Variants in CCSER2 observed in about 807,000 individuals in gnomAD.
The protein encoded by CCSER2 is serine-rich coiled-coil domain-containing protein 2.
A neutral mutation model predicts 92.3 loss-of-function variants in CCSER2; 46 were observed. The ratio of observed to expected loss-of-function variants is 0.50; its 90% CI spans 0.39 to 0.64. The LOEUF is 0.64. Ranked by LOEUF, CCSER2 falls within the 30% of genes least tolerant of loss-of-function variation. The pLI, the probability that CCSER2 is intolerant of heterozygous loss-of-function variation, is 0.00. For missense variants in CCSER2, 1,244 were observed against 1,238.9 expected, an observed-to-expected ratio of 1.00 and a Z score of -0.06; for synonymous variants, 433 against 431.4, an observed-to-expected ratio of 1.00 and a Z score of -0.04.
At chr10:84,462,678 A>G (rs908796676) in intron 6 of CCSER2, among the ~76,000 whole-genome samples, 4 of 152,222 alleles carry the variant, frequency 2.6e-5, no homozygotes, top group Non-Finnish European at 4.4e-5. Flanking sequence ...TAATTTATCT[A>G]TGCTGGAAAT....
At chr10:84,349,642 A>G (rs1430550624) in intron 1 of CCSER2, among the ~76,000 whole-genome samples, 1 of 152,150 alleles carries the variant, frequency 6.6e-6, no homozygotes, top group Non-Finnish European at 1.5e-5. Context: ...TGATCACCCC[A>G]CTGTACTCCA....
intron 1 of CCSER2, among the ~76,000 whole-genome samples, chr10:84,337,378 G>A (rs140186745): frequency 4.6e-5 from 7 of 152,214 alleles, no homozygotes; most frequent in African/African-American, 1.4e-4. Flanking sequence ...AAGAAGGAGC[G>A]AGTGAGTAAT....
At chr10:84,464,553 G>A (rs1846283655) in intron 7 of CCSER2, among the ~76,000 whole-genome samples, 1 of 152,164 alleles carries the variant, frequency 6.6e-6, no homozygotes, top group African/African-American at 2.4e-5. Context: ...TTAATTTAAT[G>A]TTTCCAAGTC....
chr10:84,470,538 G>C (rs1846727437), intron 8 of CCSER2, 80 bp downstream of exon 8: 12 of 1,196,680 alleles, frequency 1.0e-5, no homozygotes, highest in Non-Finnish European at 1.3e-5. Context: ...GCCAGAAGTA[G>C]AGTTTAGCTT....
intron 1 of CCSER2, among the ~76,000 whole-genome samples, chr10:84,352,075 C>T (rs1053778566): frequency 1.3e-4 from 20 of 151,898 alleles, no homozygotes; most frequent in African/African-American, 4.6e-4. Flanking sequence ...CCGAGGCAGG[C>T]GGATCACGAG....
At chr10:84,353,795 G>T (rs1023001857) in intron 1 of CCSER2, among the ~76,000 whole-genome samples, 2 of 152,042 alleles carry the variant, frequency 1.3e-5, no homozygotes, top group African/African-American at 4.8e-5. Context: ...CTCATGGTGG[G>T]ATCTTGTTCC....
At chr10:84,383,501 G>A (rs1174903148) in intron 3 of CCSER2, among the ~76,000 whole-genome samples, 1 of 151,842 alleles carries the variant, frequency 6.6e-6, no homozygotes, top group Non-Finnish European at 1.5e-5. Context: ...TAGTAGAGAC[G>A]GGGTTTCACC....
chr10:84,331,225 T>C (rs1458580603), intron 1 of CCSER2, among the ~76,000 whole-genome samples: 1 of 152,210 alleles, frequency 6.6e-6, no homozygotes, highest in African/African-American at 2.4e-5. Context: ...TTTTCACTAC[T>C]CCATGGTGCT....
intron 6 of CCSER2, among the ~76,000 whole-genome samples, chr10:84,460,046 G>A (rs1479706791): frequency 6.7e-6 from 1 of 149,470 alleles, no homozygotes; most frequent in Non-Finnish European, 1.5e-5. Context: ...GTTGCTCATG[G>A]TGTATTTCCC....
At chr10:84,389,453 T>C (rs1488939568) in intron 3 of CCSER2, 10 of 410,276 alleles carry the variant, frequency 2.4e-5, no homozygotes, top group Admixed American at 1.9e-4. Context: ...CACGTCAATC[T>C]GGGCCTGTCT....
intron 3 of CCSER2, among the ~76,000 whole-genome samples, chr10:84,410,834 G>C (rs1289154675): frequency 6.6e-6 from 1 of 152,092 alleles, no homozygotes; most frequent in East Asian, 1.9e-4. Context: ...GTATTTGCCT[G>C]TGCCTAAATC....
At chr10:84,392,038 T>C (rs547589794) in intron 3 of CCSER2, 315 of 1,233,666 alleles carry the variant, frequency 2.6e-4, no homozygotes, top group Non-Finnish European at 3.5e-4. Flanking sequence ...TGCAGCTGTT[T>C]ATGGTGTTTA....
chr10:84,407,897 C>A (rs1842454447), intron 3 of CCSER2, among the ~76,000 whole-genome samples: 1 of 152,098 alleles, frequency 6.6e-6, no homozygotes, highest in Non-Finnish European at 1.5e-5. Context: ...AAAGACTTAA[C>A]TCACAAAATG....
intron 9 of CCSER2, among the ~76,000 whole-genome samples, chr10:84,509,374 A>G (rs1291505807): frequency 2.0e-5 from 3 of 152,216 alleles, no homozygotes; most frequent in African/African-American, 4.8e-5. Context: ...AATACCAACT[A>G]TAACGAAAAA....
chr10:84,489,892 C>T (rs1848048508), intron 9 of CCSER2, among the ~76,000 whole-genome samples: 1 of 152,170 alleles, frequency 6.6e-6, no homozygotes, highest in African/African-American at 2.4e-5. Context: ...TGTTCCTTTC[C>T]ATGTTTAGTG....
At chr10:84,338,773 C>T (rs936034656) in intron 1 of CCSER2, among the ~76,000 whole-genome samples, 1 of 152,160 alleles carries the variant, frequency 6.6e-6, no homozygotes, top group African/African-American at 2.4e-5. Flanking sequence ...TACCTGATCT[C>T]ATTTTACTGT....
At chr10:84,401,145 TTAAGAAAC>T (rs753167753) in intron 3 of CCSER2, among the ~76,000 whole-genome samples, 12 of 152,078 alleles carry the variant, frequency 7.9e-5, no homozygotes, top group Non-Finnish European at 1.8e-4. Flanking sequence ...AGCTTGTACC[TTAAGAAAC>T]TAGTAAAAAA....
At chr10:84,347,390 G>T (rs1287561252) in intron 1 of CCSER2, among the ~76,000 whole-genome samples, 1 of 151,534 alleles carries the variant, frequency 6.6e-6, no homozygotes, top group Non-Finnish European at 1.5e-5. Flanking sequence ...GGACGGGGCG[G>T]CTGGCCGGGG....
chr10:84,483,609 A>G (rs933897797), intron 9 of CCSER2, among the ~76,000 whole-genome samples: 3 of 151,736 alleles, frequency 2.0e-5, no homozygotes, highest in Non-Finnish European at 4.4e-5. Context: ...ACTCCACTCT[A>G]TTTTTTCTTG....
Sources: gnomAD v4.1 joint callset for allele counts (sites outside exome capture counted in the v4.1 genomes callset) on GRCh38, gnomAD v4.1.1 for gene constraint, MANE v1.5 for transcripts, NCBI Gene and HGNC (gene_info 2026-07-23, HGNC 2026-07-21) for gene names.